NCAPH: variants seen among roughly 807,000 people sequenced by gnomAD.
The protein encoded by NCAPH is non-SMC condensin I complex subunit H.
In NCAPH, 38 loss-of-function variants were observed where a neutral mutation model predicts 85.5. The ratio of observed to expected loss-of-function variants is 0.44; its 90% CI spans 0.34 to 0.58. The LOEUF is 0.58. Ranked by LOEUF, NCAPH falls within the 20% of genes least tolerant of loss-of-function variation. The pLI, the probability that NCAPH is intolerant of heterozygous loss-of-function variation, is 0.01. For missense variants in NCAPH, 789 were observed against 916.6 expected (o/e 0.86, Z 1.80); for synonymous variants, 301 against 335.1 (o/e 0.90, Z 1.11).
At position 96,363,873 on chromosome 2, in the gene NCAPH, A is replaced by G. The variant is rs571611580; in HGVS notation, c.1588-608A>G. ...GGGTCTCAGGCTGGAGTGCAGTGGT[A>G]TGAGTATGGCTCAGTGCAGCCTCAA... On this transcript the variant is annotated intron_variant, in intron 12 of 17. Coordinates refer to ENST00000240423, the MANE Select transcript of NCAPH (RefSeq NM_015341.5). Among the ~76,000 whole-genome samples, 50 of 151,588 alleles carry G rather than the reference A, an allele frequency of 3.3e-4. 1 individual carries two copies. Among genetic ancestry groups the G allele is most frequent in the Non-Finnish European group, 5.6e-4 (38 of 67,886 alleles).
intron 17 of NCAPH, among the ~76,000 whole-genome samples, chr2:96,371,094 TATC>T (rs1224520743): frequency 6.6e-6 from 1 of 152,158 alleles, no homozygotes; most frequent in Non-Finnish European, 1.5e-5. Context: ...AATAAATTAT[TATC>T]ATTGTTCTGA....
At position 96,373,580 on chromosome 2, in the gene NCAPH, A is replaced by G. The variant is rs1012385324; in HGVS notation, c.*229A>G. 13 of 444,060 alleles carry G rather than the reference A, an allele frequency of 2.9e-5. No homozygotes were observed. The Admixed American group carries it at 3.9e-4, about 13-fold the overall frequency. 27.5% of individuals were successfully genotyped at this position (444,060 alleles called of 1,614,324 possible). A position where few individuals can be genotyped will look rare whatever the true frequency, so the allele number is the denominator to read the frequency against. ...CTTTACTGCCCTATGGTGACCATCTAGGAGAGGGGAGGGCAGAGGGGGTGA... is the reference window on the plus strand; with the variant it reads ...CTTTACTGCCCTATGGTGACCATCTGGGAGAGGGGAGGGCAGAGGGGGTGA... On this transcript the variant is annotated 3_prime_UTR_variant, in exon 18 of 18. Coordinates refer to ENST00000240423, the MANE Select transcript of NCAPH (RefSeq NM_015341.5).
At chr2:96,363,705 T>C (rs1405339835) in intron 12 of NCAPH, among the ~76,000 whole-genome samples, 1 of 152,218 alleles carries the variant, frequency 6.6e-6, no homozygotes, top group African/African-American at 2.4e-5. Flanking sequence ...GGCTCTGGAA[T>C]ACAGAATGAG....
intron 10 of NCAPH, 117 bp downstream of exon 10, chr2:96,359,310 G>A: frequency 3.0e-6 from 4 of 1,317,966 alleles, no homozygotes; most frequent in Non-Finnish European, 4.2e-6. Flanking sequence ...TTAATAAGCC[G>A]AGGAAGCATA....
intron 1 of NCAPH, among the ~76,000 whole-genome samples, chr2:96,337,577 G>A (rs1255217614): frequency 1.3e-5 from 2 of 151,652 alleles, no homozygotes; most frequent in Non-Finnish European, 2.9e-5. Context: ...CTGCCACCAC[G>A]CCCAGCTAAT....
chr2:96,339,536 A>C (rs2064262651), intron 1 of NCAPH, among the ~76,000 whole-genome samples: 1 of 150,604 alleles, frequency 6.6e-6, no homozygotes, highest in Non-Finnish European at 1.5e-5. Context: ...AGTTGCAATG[A>C]GCTGAGATCC....
chr2:96,335,980 A>C, intron 1 of NCAPH, 132 bp downstream of exon 1: 1 of 843,996 alleles, frequency 1.2e-6, no homozygotes, highest in East Asian at 4.1e-5. Context: ...CCTGCGGCTG[A>C]CAGCAGAGGC....
At chr2:96,353,220 G>A (rs879136734) in intron 7 of NCAPH, 86 bp from the exon 8 acceptor site, 3 of 1,086,050 alleles carry the variant, frequency 2.8e-6, no homozygotes, top group Non-Finnish European at 4.1e-6. Context: ...CTCATCTCTC[G>A]TCCCACTCAG....
At position 96,370,384 on chromosome 2, in the gene NCAPH, G is replaced by T. The variant is rs2064756938; in HGVS notation, c.2166+884G>T. Among the ~76,000 whole-genome samples the T allele has an allele frequency of 2.0e-5, 3 of 152,344 alleles. No individual in the cohort carries two copies. In the South Asian group the frequency reaches 6.2e-4, roughly 32 times the overall value. ...GAACGCCGAAATGTGGTTTTGGAGGGTGATTATGGGAATGGAATGGTAGCA... is the reference window on the plus strand; with the variant it reads ...GAACGCCGAAATGTGGTTTTGGAGGTTGATTATGGGAATGGAATGGTAGCA... On this transcript the variant is annotated intron_variant, in intron 17 of 17. Transcript: ENST00000240423.
chr2:96,353,966 T>C (rs551918106), intron 8 of NCAPH, among the ~76,000 whole-genome samples: 1 of 152,152 alleles, frequency 6.6e-6, no homozygotes, highest in Non-Finnish European at 1.5e-5. Context: ...CTGACAACAA[T>C]GCAGCTTCCT....
At position 96,373,322 on chromosome 2, in the gene NCAPH, T is replaced by G. The variant is rs1229311498; in HGVS notation, c.2197T>G (p.Ser733Ala). 6.2e-7 allele frequency: 1 copy of G among 1,614,060 alleles called. No individual in the cohort carries two copies. The highest frequency in any genetic ancestry group is 1.7e-5 in the Admixed American group (1 of 60,014). Residue 733 changes from serine to alanine, a missense_variant, in exon 18 of 18, where the codon TCT becomes GCT. By Grantham distance (99) the Ser-to-Ala change is moderately conservative. Transcript: ENST00000240423. ...NLKLEGTEDL[S>A]DVLVRQGD The stretch of plus-strand genomic sequence containing the variant: ...AAAACTGGAAGGAACAGAGGACCTC[T>G]CTGATGTTCTTGTGAGGCAAGGAGA...
rs376758709 is a variant in NCAPH at position 96,376,774 on chromosome 2, TCA to T, written c.*3424_*3425del. On this transcript the variant is annotated 3_prime_UTR_variant, in exon 18 of 18. Coordinates refer to ENST00000240423, the MANE Select transcript of NCAPH (RefSeq NM_015341.5). ...TGATCTAGGTCTTCGAGTAGAATTC[TCA>T]GTTTTGGTTCATTTAAAAATGTTTT... 1.2e-4 allele frequency among the ~76,000 whole-genome samples: 19 copies of T among 152,334 alleles called. No homozygotes were observed. The highest frequency in any genetic ancestry group is 1.4e-4 in the African/African-American group (6 of 41,590).
At chr2:96,368,946 C>A in intron 15 of NCAPH, 26 bp from the exon 16 acceptor site, 1 of 1,550,020 alleles carries the variant, frequency 6.5e-7, no homozygotes, top group South Asian at 1.2e-5. Flanking sequence ...CCCTAACTGT[C>A]CGATGTATAA....
At chr2:96,351,076 C>A (rs1215822265) in intron 6 of NCAPH, among the ~76,000 whole-genome samples, 1 of 152,222 alleles carries the variant, frequency 6.6e-6, no homozygotes, top group African/African-American at 2.4e-5. Flanking sequence ...GCCCTACTGA[C>A]TCTGTCCTTT....
At chr2:96,362,922 A>T (rs1399395610) in intron 12 of NCAPH, among the ~76,000 whole-genome samples, 2 of 152,228 alleles carry the variant, frequency 1.3e-5, no homozygotes, top group African/African-American at 4.8e-5. Flanking sequence ...GTTTGAAAAG[A>T]TTGACTTTGA....
chr2:96,348,592 C>T (rs1168080010), intron 6 of NCAPH, among the ~76,000 whole-genome samples: 1 of 152,032 alleles, frequency 6.6e-6, no homozygotes, highest in African/African-American at 2.4e-5. Flanking sequence ...GTTCCCTTCC[C>T]TCCCCCAATT....
intron 6 of NCAPH, among the ~76,000 whole-genome samples, chr2:96,344,506 G>A (rs2064337470): frequency 6.6e-6 from 1 of 152,232 alleles, no homozygotes; most frequent in Admixed American, 6.5e-5. Context: ...AAATGTAGCA[G>A]TGGTTATGTT....
intron 1 of NCAPH, among the ~76,000 whole-genome samples, chr2:96,339,545 C>A (rs2064262853): frequency 6.6e-6 from 1 of 151,126 alleles, no homozygotes; most frequent in African/African-American, 2.4e-5. Context: ...GAGCTGAGAT[C>A]CCGTCACTGC....
intron 17 of NCAPH, among the ~76,000 whole-genome samples, chr2:96,372,849 C>G (rs948192334): frequency 4.6e-5 from 7 of 152,036 alleles, no homozygotes; most frequent in Non-Finnish European, 8.8e-5. Context: ...TTTGTGTATA[C>G]ATATATATAA....
Sources: gnomAD v4.1 joint callset for allele counts (sites outside exome capture counted in the v4.1 genomes callset) on GRCh38, gnomAD v4.1.1 for gene constraint, MANE v1.5 for transcripts, NCBI Gene and HGNC (gene_info 2026-07-23, HGNC 2026-07-21) for gene names.